The following DNER variants were observed in gnomAD, a reference collection of about 807,000 sequenced individuals.
DNER encodes the protein delta/notch like EGF repeat containing.
In DNER, 33 loss-of-function variants were observed where a neutral mutation model predicts 78.2. That is an observed-to-expected ratio of 0.42 (90% CI 0.32 to 0.56). The LOEUF is 0.56. Ranked by LOEUF, DNER falls within the 20% of genes least tolerant of loss-of-function variation. The pLI is 0.11. For synonymous variants in DNER, 417 were observed against 384.8 expected (o/e 1.08, Z -0.98); for missense variants, 918 against 975.3 (o/e 0.94, Z 0.78).
At chr2:229,421,824 T>G (rs1296566023) in intron 8 of DNER, among the ~76,000 whole-genome samples, 1 of 152,100 alleles carries the variant, frequency 6.6e-6, no homozygotes, top group Non-Finnish European at 1.5e-5. Flanking sequence ...AGGAGATCTT[T>G]TAACAATCAA....
chr2:229,361,860 T>A (rs920309270), intron 12 of DNER, among the ~76,000 whole-genome samples: 29 of 151,850 alleles, frequency 1.9e-4, no homozygotes, highest in Middle Eastern at 3.4e-3. Context: ...AAAAAAAAAA[T>A]TCCTACAAGT....
chr2:229,392,770 T>C (rs962341086), intron 10 of DNER, among the ~76,000 whole-genome samples: 19 of 152,066 alleles, frequency 1.2e-4, no homozygotes, highest in Non-Finnish European at 2.1e-4. Flanking sequence ...CCCCAAAATG[T>C]ACAACAAACC....
intron 6 of DNER, among the ~76,000 whole-genome samples, chr2:229,490,007 T>C (rs961654863): frequency 2.7e-5 from 4 of 150,086 alleles, no homozygotes; most frequent in African/African-American, 9.8e-5. Flanking sequence ...GAGATCAAAG[T>C]GGAGGACAAG....
intron 1 of DNER, among the ~76,000 whole-genome samples, chr2:229,652,688 T>G (rs958848741): frequency 2.6e-5 from 4 of 152,216 alleles, no homozygotes; most frequent in Non-Finnish European, 4.4e-5. Flanking sequence ...TAGATATTGA[T>G]GAGCTCAGAA....
At chr2:229,505,177 A>AGTGTGTGTGTGTGT (rs144321798) in intron 6 of DNER, among the ~76,000 whole-genome samples, 18,015 of 126,198 alleles carry the variant, frequency 0.14, 1,810 homozygotes, top group Non-Finnish European at 0.19. Flanking sequence ...GTGTTGCTGC[A>AGTGTGTGTGTGTGT]GTGTGTGTGT....
chr2:229,553,012 G>C (rs2154213393), intron 4 of DNER, among the ~76,000 whole-genome samples: 1 of 152,280 alleles, frequency 6.6e-6, no homozygotes, highest in East Asian at 1.9e-4. Flanking sequence ...GAACCACCAG[G>C]GTTACATGGC....
intron 7 of DNER, among the ~76,000 whole-genome samples, chr2:229,470,083 A>G (rs1694892084): frequency 6.6e-6 from 1 of 152,238 alleles, no homozygotes; most frequent in Admixed American, 6.5e-5. Context: ...TAAGAAAGAA[A>G]ACCATCGTTG....
intron 1 of DNER, among the ~76,000 whole-genome samples, chr2:229,617,137 C>T (rs1191057168): frequency 1.3e-5 from 2 of 152,134 alleles, no homozygotes; most frequent in Non-Finnish European, 2.9e-5. Flanking sequence ...ATTAGCTCTA[C>T]AATGAGTAAA....
intron 1 of DNER, among the ~76,000 whole-genome samples, chr2:229,633,527 T>C (rs1158432172): frequency 4.6e-5 from 7 of 152,180 alleles, no homozygotes; most frequent in African/African-American, 1.7e-4. Flanking sequence ...CTTTAGAAAA[T>C]CTAAAATGAA....
intron 5 of DNER, among the ~76,000 whole-genome samples, chr2:229,532,172 T>C (rs1270599078): frequency 2.0e-5 from 3 of 152,166 alleles, no homozygotes; most frequent in Non-Finnish European, 4.4e-5. Flanking sequence ...CACCTCCATT[T>C]TTAAAATGTA....
In DNER at chr2:229,358,495, A is replaced by G. The variant is rs764677956; in HGVS notation, c.*45T>C. The G allele has an allele frequency of 2.1e-5, 29 of 1,388,622 alleles. No individual in the cohort carries two copies. In the African/African-American group the frequency reaches 3.2e-4, roughly 15 times the overall value. The allele number at this position is 1,388,622 out of a possible 1,614,324, so 86.0% of individuals were successfully genotyped here. A position where few individuals can be genotyped will look rare whatever the true frequency, so the allele number is the denominator to read the frequency against. On this transcript the variant is annotated 3_prime_UTR_variant, in exon 13 of 13. Transcript: ENST00000341772. ...TTTTTATTTTCTTAAAAATATTTAA[A>G]TGAGTGTAGTATCTCATCTTTTTGA...
chr2:229,556,395 C>T (rs975030992), intron 4 of DNER, among the ~76,000 whole-genome samples: 1 of 152,220 alleles, frequency 6.6e-6, no homozygotes, highest in Admixed American at 6.5e-5. Flanking sequence ...GATTCAGAAT[C>T]TATAGTCTTG....
At chr2:229,643,472 A>C (rs576547897) in intron 1 of DNER, among the ~76,000 whole-genome samples, 1 of 152,348 alleles carries the variant, frequency 6.6e-6, no homozygotes, top group South Asian at 2.1e-4. Flanking sequence ...CCAGTCTTGA[A>C]CTGGGAGAGG....
chr2:229,607,253 A>G (rs1243656743), intron 1 of DNER, among the ~76,000 whole-genome samples: 1 of 152,192 alleles, frequency 6.6e-6, no homozygotes, highest in African/African-American at 2.4e-5. Flanking sequence ...TATCTTTGAT[A>G]AGAAGACTTC....
At chr2:229,655,683 C>T (rs922376206) in intron 1 of DNER, among the ~76,000 whole-genome samples, 5 of 152,140 alleles carry the variant, frequency 3.3e-5, no homozygotes, top group African/African-American at 1.2e-4. Context: ...ACCCCCAAAA[C>T]CCATGCATTG....
At chr2:229,643,219 A>AAAT (rs534921632) in intron 1 of DNER, among the ~76,000 whole-genome samples, 7 of 152,080 alleles carry the variant, frequency 4.6e-5, no homozygotes, top group South Asian at 2.1e-4. Flanking sequence ...CCTGTCTCAA[A>AAAT]AATAATAATA....
intron 7 of DNER, among the ~76,000 whole-genome samples, chr2:229,468,342 T>C (rs1694848833): frequency 1.3e-5 from 2 of 152,220 alleles, no homozygotes; most frequent in Admixed American, 1.3e-4. Context: ...TCATGCAGCC[T>C]CTGGCTCCAA....
intron 8 of DNER, among the ~76,000 whole-genome samples, chr2:229,425,440 C>T (rs1031898668): frequency 6.6e-6 from 1 of 152,116 alleles, no homozygotes; most frequent in Non-Finnish European, 1.5e-5. Context: ...AGCAAAGGCA[C>T]GGTGGAGCCC....
At chr2:229,502,276 C>G (rs1326499723) in intron 6 of DNER, among the ~76,000 whole-genome samples, 1 of 152,310 alleles carries the variant, frequency 6.6e-6, no homozygotes, top group African/African-American at 2.4e-5. Flanking sequence ...AATCAACAAA[C>G]AGATATCTAC....
Sources: allele counts gnomAD v4.1 joint callset (sites outside exome capture counted in the v4.1 genomes callset), GRCh38; gene constraint gnomAD v4.1.1; transcripts MANE v1.5; gene names NCBI Gene and HGNC (gene_info 2026-07-23, HGNC 2026-07-21).